MORC2: variants seen among roughly 807,000 people sequenced by gnomAD.
MORC2 encodes the protein MORC family CW-type zinc finger 2, also known as ATPase MORC2.
A neutral mutation model predicts 136.0 loss-of-function variants in MORC2; 30 were observed. The observed-to-expected ratio is 0.22, with a 90% CI of 0.17 to 0.30. The LOEUF is 0.30. MORC2 is among the 10% of genes least tolerant of loss of function. MORC2 has a pLI of 1.00. For missense variants in MORC2, 922 were observed against 1,333.1 expected (o/e 0.69, Z 4.80); for synonymous variants, 439 against 487.0 (o/e 0.90, Z 1.30).
intron 1 of MORC2, among the ~76,000 whole-genome samples, chr22:30,959,281 G>C (rs1230705424): frequency 2.0e-5 from 3 of 152,144 alleles, no homozygotes; most frequent in Non-Finnish European, 4.4e-5. Context: ...AATGTTAACA[G>C]GGGCCCTAGG....
intron 1 of MORC2, among the ~76,000 whole-genome samples, chr22:30,960,423 T>TA (rs1416180282): frequency 3.3e-5 from 5 of 152,164 alleles, no homozygotes; most frequent in Admixed American, 2.6e-4. Context: ...ACCTAGGAAA[T>TA]AGAGTTCAAA....
intron 12 of MORC2, among the ~76,000 whole-genome samples, chr22:30,938,663 G>A (rs2040694960): frequency 6.6e-6 from 1 of 152,156 alleles, no homozygotes; most frequent in African/African-American, 2.4e-5. Flanking sequence ...TCCGCACCCT[G>A]CATTCACACC....
rs2040738500 is a variant in MORC2 at position 30,941,320 on chromosome 22, T to C, written c.824+113A>G. The stretch of plus-strand genomic sequence containing the variant: ...CACAGGCAACTTAAAGTCCCAAACG[T>C]AGTCAGCACTGCCAGAGCCTCTTAT... On this transcript the variant is annotated intron_variant, in intron 9 of 25. Transcript: ENST00000397641. This position sits in a 1 kb window ranked among gnomAD's most constrained non-coding sequence, Gnocchi z 4.6. 2.1e-6 allele frequency: 3 copies of C among 1,435,110 alleles called. No homozygotes were observed. The highest frequency in any genetic ancestry group is 2.8e-5 in the African/African-American group (2 of 70,282). The allele number at this position is 1,435,110 out of a possible 1,614,324, so 88.9% of individuals were successfully genotyped here. A position where few individuals can be genotyped will look rare whatever the true frequency, so the allele number is the denominator to read the frequency against.
At position 30,933,141 on chromosome 22, in the gene MORC2, G is replaced by A. The variant is rs993164762; in HGVS notation, c.2381-111C>T. 1.0e-5 allele frequency: 15 copies of A among 1,464,272 alleles called. No individual in the cohort carries two copies. The Middle Eastern group carries it at 6.6e-4, about 64-fold the overall frequency. 90.7% of individuals were successfully genotyped at this position (1,464,272 alleles called of 1,614,324 possible). A position where few individuals can be genotyped will look rare whatever the true frequency, so the allele number is the denominator to read the frequency against. ...AGGGTTTGGAGGACAGGAACACTTA[G>A]GTGCTTGCCCCCACTACACCAGGGA... is the stretch of plus-strand genomic sequence containing the variant. On this transcript the variant is annotated intron_variant, in intron 21 of 25. Coordinates refer to ENST00000397641, the MANE Select transcript of MORC2 (RefSeq NM_001303256.3).
intron 1 of MORC2, among the ~76,000 whole-genome samples, chr22:30,966,313 T>C (rs1312848159): frequency 6.6e-6 from 1 of 152,176 alleles, no homozygotes; most frequent in African/African-American, 2.4e-5. Context: ...CATGAACATT[T>C]AAGTGGCCTT....
intron 3 of MORC2, among the ~76,000 whole-genome samples, chr22:30,956,006 CAA>C (rs576674402): frequency 1.6e-4 from 8 of 51,548 alleles, no homozygotes; most frequent in Non-Finnish European, 2.4e-4. Flanking sequence ...GACTCCATCT[CAA>C]AAAAAAAAAA....
At position 30,926,550 on chromosome 22, in the gene MORC2, CAAAAAAAAAA is replaced by C. The variant is rs60514280; in HGVS notation, c.*243_*252del. On this transcript the variant is annotated 3_prime_UTR_variant, in exon 26 of 26. Coordinates refer to ENST00000397641, the MANE Select transcript of MORC2 (RefSeq NM_001303256.3). ...AAGGTTCTCTGTCCTTTGCAGTCAC[CAAAAAAAAAA>C]AAAAAAAAAAAAAAAAAAAAAAAAA... The C allele has an allele frequency of 6.2e-4, 16 of 25,784 alleles. No individual in the cohort carries two copies. The highest frequency in any genetic ancestry group is 1.5e-3 in the African/African-American group (8 of 5,368). The allele number at this position is 25,784 out of a possible 1,614,324, so 1.6% of individuals were successfully genotyped here.
chr22:30,967,855 G>A lies in MORC2; in HGVS notation c.35C>T (p.Ala12Val). The change falls in exon 1 of 26, where the codon GCT becomes GTT. Residue 12 changes from alanine (A) to valine (V), a missense_variant. Coordinates refer to ENST00000397641, the MANE Select transcript of MORC2 (RefSeq NM_001303256.3). ...AFTNYSSLNR[A>V]QLTFEYLHTN... ...GTGCAGATATTCAAAGGTTAGCTGA[G>A]CTCGATTCAGACTGCTGTAATTTGT... 2 of 1,551,172 alleles carry A rather than the reference G, an allele frequency of 1.3e-6. No homozygotes were observed. The highest frequency in any genetic ancestry group is 1.7e-6 in the Non-Finnish European group (2 of 1,147,070).
At chr22:30,933,609 C>T in intron 20 of MORC2, 89 bp from the exon 21 acceptor site, 1 of 1,281,554 alleles carries the variant, frequency 7.8e-7, no homozygotes, top group Non-Finnish European at 1.1e-6. Flanking sequence ...CATCAGCCAT[C>T]ATCTTCACGA....
intron 6 of MORC2, among the ~76,000 whole-genome samples, chr22:30,942,865 C>T (rs571109066): frequency 8.6e-5 from 13 of 151,990 alleles, no homozygotes; most frequent in African/African-American, 2.7e-4. Flanking sequence ...ATTAGCCGGG[C>T]GTGGCAGCGT....
intron 3 of MORC2, among the ~76,000 whole-genome samples, chr22:30,952,363 C>T (rs2040901705): frequency 6.6e-6 from 1 of 152,238 alleles, no homozygotes; most frequent in Admixed American, 6.5e-5. Flanking sequence ...CCAAGGACTA[C>T]TGGCATTCTT....
In MORC2 at chr22:30,968,148, AAGG is replaced by A. The variant is rs554258692; in HGVS notation, c.-262_-260del. The A allele has an allele frequency of 7.0e-4, 304 of 436,780 alleles. 2 individuals are homozygous for A. Among genetic ancestry groups the A allele is most frequent in the Middle Eastern group, 5.9e-3 (9 of 1,526 alleles). 27.1% of individuals were successfully genotyped at this position (436,780 alleles called of 1,614,324 possible). A position where few individuals can be genotyped will look rare whatever the true frequency, so the allele number is the denominator to read the frequency against. On this transcript the variant is annotated 5_prime_UTR_variant, in exon 1 of 26. Coordinates refer to ENST00000397641, the MANE Select transcript of MORC2 (RefSeq NM_001303256.3). ...AACTATGTCATAAATCTGTAGCTTT[AAGG>A]AGCTTTTAGCATTAAGTTGCGATAG...
chr22:30,946,359 C>T lies in MORC2; in HGVS notation c.408G>A (p.Glu136=), dbSNP rs766288897. Residue 136 remains glutamate, a synonymous_variant, in exon 6 of 26, where the codon GAG becomes GAA. Transcript: ENST00000397641. ...GACCTACTTCATCAATGCCTTCTTC[C>T]TCATGAAACGTGCGAGACAGGAAGA... ...TCLFLSRTFH[E]EEGIDEVIVP... 1 of 1,609,440 alleles carries T rather than the reference C, an allele frequency of 6.2e-7. No individual in the cohort carries two copies. The highest frequency in any genetic ancestry group is 1.1e-5 in the South Asian group (1 of 89,826).
At position 30,936,579 on chromosome 22, in the gene MORC2, G is replaced by A; in HGVS notation, c.1669C>T (p.Gln557Ter). 6.2e-7 allele frequency: 1 copy of A among 1,614,122 alleles called. No homozygotes were observed. The highest frequency in any genetic ancestry group is 8.5e-7 in the Non-Finnish European group (1 of 1,180,034). Residue 557 changes from glutamine to a stop codon, truncating the protein, a stop_gained, in exon 17 of 26, where the codon CAG becomes TAG. Coordinates refer to ENST00000397641, the MANE Select transcript of MORC2 (RefSeq NM_001303256.3). LOFTEE classifies it high-confidence loss of function. ...GTCAGTTGTTTCTGCTTCTCTTCCT[G>A]CGTCTTCATGTCCTTTCTGAATGTT... Reference protein sequence around the residue: ...LGTFRKDMKTQEEKQKQLTEK... With the variant: ...LGTFRKDMKT
At position 30,968,221 on chromosome 22, in the gene MORC2, G is replaced by A. The variant is rs910548842; in HGVS notation, c.-332C>T. ...GTCTCGTGTGGATGGTCCTGAAGGAGATGGTCCTTGAGTGGGTGGTTTATG... is the reference window on the plus strand; with the variant it reads ...GTCTCGTGTGGATGGTCCTGAAGGAAATGGTCCTTGAGTGGGTGGTTTATG... On this transcript the variant is annotated 5_prime_UTR_variant, in exon 1 of 26. Coordinates refer to ENST00000397641, the MANE Select transcript of MORC2 (RefSeq NM_001303256.3). 3 of 229,144 alleles carry A rather than the reference G, an allele frequency of 1.3e-5. No homozygotes were observed. The highest frequency in any genetic ancestry group is 2.6e-5 in the Non-Finnish European group (3 of 114,292). 14.2% of individuals were successfully genotyped at this position (229,144 alleles called of 1,614,324 possible). A position where few individuals can be genotyped will look rare whatever the true frequency, so the allele number is the denominator to read the frequency against.
In MORC2 at chr22:30,926,788, C is replaced by T; in HGVS notation, c.*15G>A. The T allele has an allele frequency of 6.2e-7, 1 of 1,609,778 alleles. No homozygotes were observed. On this transcript the variant is annotated 3_prime_UTR_variant, in exon 26 of 26. Coordinates refer to ENST00000397641, the MANE Select transcript of MORC2 (RefSeq NM_001303256.3). ...GAGGGGCAGGTGGGCAGGGGAGCTG[C>T]TCTCTCTCCTGCCTTCAGTCCCCCT...
intron 17 of MORC2, among the ~76,000 whole-genome samples, chr22:30,935,781 A>C (rs1046425411): frequency 2.6e-5 from 4 of 152,234 alleles, no homozygotes; most frequent in Admixed American, 2.0e-4. Context: ...CATATCTAGA[A>C]AAAAACATAG....
At chr22:30,963,470 C>G (rs891872366) in intron 1 of MORC2, 4 of 220,968 alleles carry the variant, frequency 1.8e-5, no homozygotes, top group African/African-American at 9.4e-5. Context: ...ATCGCAACCT[C>G]TGCCTCCCAG....
chr22:30,940,087 C>T (rs369960403), intron 10 of MORC2, 46 bp from the exon 11 acceptor site: 17 of 1,588,334 alleles, frequency 1.1e-5, no homozygotes, highest in South Asian at 2.2e-5. Context: ...AGGTTCAAAA[C>T]TCTTGGTCAT....
Sources: allele counts gnomAD v4.1 joint callset (sites outside exome capture counted in the v4.1 genomes callset), GRCh38; gene constraint gnomAD v4.1.1; non-coding constraint Gnocchi (gnomAD v3.1); transcripts MANE v1.5; gene names NCBI Gene and HGNC (gene_info 2026-07-23, HGNC 2026-07-21).